Variants in ALDH1A2 observed in about 807,000 individuals in gnomAD.
The protein encoded by ALDH1A2 is retinal dehydrogenase 2.
In ALDH1A2, 27 loss-of-function variants were observed where a neutral mutation model predicts 60.3. The ratio of observed to expected loss-of-function variants is 0.45; its 90% confidence interval spans 0.33 to 0.62. The LOEUF (loss-of-function observed/expected upper bound fraction) is 0.62. ALDH1A2 is among the 20% of genes least tolerant of loss of function. The pLI is 0.02. For synonymous variants in ALDH1A2, 289 were observed against 232.4 expected (o/e 1.24, Z -2.21); for missense variants, 581 against 643.8 (o/e 0.90, Z 1.06).
intron 7 of ALDH1A2, among the ~76,000 whole-genome samples, chr15:57,969,188 T>C (rs1215058623): frequency 6.6e-6 from 1 of 152,216 alleles, no homozygotes; most frequent in Non-Finnish European, 1.5e-5. Flanking sequence ...TCAACACATA[T>C]TCATAGTTCT....
chr15:58,025,205 C>A (rs758725567), intron 1 of ALDH1A2, among the ~76,000 whole-genome samples: 1 of 151,932 alleles, frequency 6.6e-6, no homozygotes, highest in South Asian at 2.1e-4. Context: ...CTAAATGAAA[C>A]AGAGACTAAA....
intron 7 of ALDH1A2, among the ~76,000 whole-genome samples, chr15:57,983,139 G>A (rs1456274281): frequency 3.9e-5 from 6 of 152,194 alleles, no homozygotes; most frequent in Non-Finnish European, 7.3e-5. Flanking sequence ...CTGCAGGAAT[G>A]ACAACAAAAC....
intron 1 of ALDH1A2, among the ~76,000 whole-genome samples, chr15:58,022,237 G>C (rs1228149535): frequency 1.3e-5 from 2 of 152,098 alleles, no homozygotes; most frequent in Non-Finnish European, 2.9e-5. Context: ...TGAGGTCCTG[G>C]AGATTGCCCA....
chr15:58,014,749 C>G (rs1483129999), intron 1 of ALDH1A2, among the ~76,000 whole-genome samples: 1 of 152,236 alleles, frequency 6.6e-6, no homozygotes, highest in Non-Finnish European at 1.5e-5. Flanking sequence ...AATTTATACT[C>G]AGGTCCTGAA....
At chr15:57,956,863 T>TCTAA (rs1191743377) in intron 12 of ALDH1A2, among the ~76,000 whole-genome samples, 5 of 152,200 alleles carry the variant, frequency 3.3e-5, no homozygotes, top group Non-Finnish European at 7.3e-5. Flanking sequence ...CATGTGACTC[T>TCTAA]CTAACTAGGT....
At chr15:58,045,577 A>G (rs1287026096) in intron 1 of ALDH1A2, among the ~76,000 whole-genome samples, 1 of 152,146 alleles carries the variant, frequency 6.6e-6, no homozygotes, top group Non-Finnish European at 1.5e-5. Context: ...AAAAAGGATG[A>G]GTTCATGTCC....
At chr15:57,960,735 A>G (rs930347681) in intron 12 of ALDH1A2, 35 bp downstream of exon 12, 1 of 1,568,326 alleles carries the variant, frequency 6.4e-7, no homozygotes. Flanking sequence ...TTTGCAATCT[A>G]TTTCTCTGCA....
At chr15:57,978,495 T>A (rs1365613295) in intron 7 of ALDH1A2, among the ~76,000 whole-genome samples, 3 of 152,270 alleles carry the variant, frequency 2.0e-5, no homozygotes, top group Non-Finnish European at 4.4e-5. Context: ...TTTATTGATC[T>A]GCATATGTTG....
chr15:58,006,538 G>C (rs1895464612), intron 4 of ALDH1A2, among the ~76,000 whole-genome samples: 1 of 151,860 alleles, frequency 6.6e-6, no homozygotes, highest in Non-Finnish European at 1.5e-5. Flanking sequence ...ACCCATTAGT[G>C]GGATTGCTGG....
chr15:58,031,921 T>G (rs1389086717), intron 1 of ALDH1A2, among the ~76,000 whole-genome samples: 1 of 152,182 alleles, frequency 6.6e-6, no homozygotes, highest in African/African-American at 2.4e-5. Context: ...TGTAAACTAG[T>G]TCAACCATTG....
At chr15:58,056,622 C>A (rs1419723947) in intron 1 of ALDH1A2, among the ~76,000 whole-genome samples, 1 of 151,906 alleles carries the variant, frequency 6.6e-6, no homozygotes, top group Non-Finnish European at 1.5e-5. Flanking sequence ...GGGAAAGTTA[C>A]AAGAGGAAAG....
intron 11 of ALDH1A2, 132 bp from the exon 12 acceptor site, chr15:57,960,976 C>A: frequency 1.5e-6 from 2 of 1,335,928 alleles, no homozygotes; most frequent in East Asian, 4.8e-5. Context: ...AATTTAAAAT[C>A]TACTTTGATT....
intron 1 of ALDH1A2, among the ~76,000 whole-genome samples, chr15:58,045,469 C>T (rs1361403733): frequency 6.6e-6 from 1 of 152,052 alleles, no homozygotes; most frequent in African/African-American, 2.4e-5. Flanking sequence ...GCACTATTCA[C>T]AATAGCAAAG....
chr15:57,992,774 C>T lies in ALDH1A2; in HGVS notation c.729G>A (p.Gly243=), dbSNP rs1284341141. 1.3e-5 allele frequency: 21 copies of T among 1,614,012 alleles called. No homozygotes were observed. Among genetic ancestry groups the T allele is most frequent in the African/African-American group, 4.0e-5 (3 of 74,896 alleles). ...AAGCTATTGCTGCCCCAGCCGTTGG[C>T]CCATATCCTGGCAAAATATTGATGA... ...PGVINILPGY[G]PTAGAAIASH... The change falls in exon 7 of 13, where the codon GGG becomes GGA. Residue 243 remains glycine, a synonymous_variant. Transcript: ENST00000249750.
chr15:57,984,175 T>A (rs1368853770), intron 7 of ALDH1A2, among the ~76,000 whole-genome samples: 1 of 152,162 alleles, frequency 6.6e-6, no homozygotes, highest in African/African-American at 2.4e-5. Flanking sequence ...TACAACTAAC[T>A]AGCATGTAAC....
chr15:57,997,905 A>C (rs180681892), intron 4 of ALDH1A2, among the ~76,000 whole-genome samples: 1 of 152,136 alleles, frequency 6.6e-6, no homozygotes, highest in East Asian at 1.9e-4. Flanking sequence ...AAATTAAAAA[A>C]TAAACGCTAT....
intron 7 of ALDH1A2, among the ~76,000 whole-genome samples, chr15:57,986,779 TCTC>T (rs1419572313): frequency 6.6e-6 from 1 of 151,930 alleles, no homozygotes; most frequent in African/African-American, 2.4e-5. Flanking sequence ...TTCAAGGAAT[TCTC>T]CTGCCTCAAC....
At chr15:58,062,524 TAATAA>T (rs752359966) in intron 1 of ALDH1A2, among the ~76,000 whole-genome samples, 1 of 152,204 alleles carries the variant, frequency 6.6e-6, no homozygotes, top group Non-Finnish European at 1.5e-5. Context: ...AAAGTCAGAC[TAATAA>T]AATAGACAAC....
chr15:57,958,997 G>C (rs529193495), intron 12 of ALDH1A2, among the ~76,000 whole-genome samples: 5 of 152,288 alleles, frequency 3.3e-5, no homozygotes, highest in South Asian at 2.1e-4. Flanking sequence ...GGTTCAGATA[G>C]AGCCAAACTG....
Sources: gnomAD v4.1 joint callset for allele counts (sites outside exome capture counted in the v4.1 genomes callset) on GRCh38, gnomAD v4.1.1 for gene constraint, MANE v1.5 for transcripts, NCBI Gene and HGNC (gene_info 2026-07-23, HGNC 2026-07-21) for gene names.